TSC2: variants seen among roughly 807,000 people sequenced by gnomAD.
TSC2 encodes the protein TSC complex subunit 2, also known as tuberin.
TSC2 carries 29 observed loss-of-function variants against 202.2 expected under a neutral mutation model. The ratio of observed to expected loss-of-function variants is 0.14; its 90% CI spans 0.11 to 0.20. The LOEUF (loss-of-function observed/expected upper bound fraction) is 0.20. TSC2 is among the 10% of genes least tolerant of loss of function. TSC2 has a pLI of 1.00. For synonymous variants in TSC2, 1,349 were observed against 1,044.0 expected, an observed-to-expected ratio of 1.29 and a Z score of -5.63; for missense variants, 2,429 against 2,420.0, an observed-to-expected ratio of 1.00 and a Z score of -0.08.
chr16:2,083,937 C>T, intron 33 of TSC2, 121 bp downstream of exon 33: 1 of 1,449,108 alleles, frequency 6.9e-7, no homozygotes, highest in Non-Finnish European at 9.1e-7. Flanking sequence ...AGATGTTCTT[C>T]CACATCCCTC....
chr16:2,070,729 C>T (rs1354527257), intron 17 of TSC2, 151 bp downstream of exon 17: 12 of 1,338,644 alleles, frequency 9.0e-6, no homozygotes, highest in Non-Finnish European at 1.2e-5. Context: ...GCCGCAGCCT[C>T]CCCAGTCCTG....
chr16:2,072,686 C>T (rs1039574213), intron 20 of TSC2, 163 bp from the exon 21 acceptor site: 1 of 1,187,936 alleles, frequency 8.4e-7, no homozygotes, highest in Non-Finnish European at 1.2e-6. Flanking sequence ...CAGGCACTCC[C>T]ACCACTCCGA....
chr16:2,054,172 C>A (rs1206767452), intron 4 of TSC2, 124 bp from the exon 5 acceptor site: 27 of 1,464,856 alleles, frequency 1.8e-5, no homozygotes, highest in Admixed American at 1.2e-4. Context: ...TCTTGCAGGG[C>A]GCCTCTGTGG....
intron 10 of TSC2, 66 bp downstream of exon 10, chr16:2,058,939 C>CAT: frequency 6.4e-7 from 1 of 1,570,074 alleles, no homozygotes; most frequent in Non-Finnish European, 8.6e-7. Flanking sequence ...CCTGCCCACC[C>CAT]ATCCCACTGG....
intron 2 of TSC2, among the ~76,000 whole-genome samples, chr16:2,049,917 C>T (rs1416598108): frequency 6.6e-6 from 1 of 151,590 alleles, no homozygotes; most frequent in Non-Finnish European, 1.5e-5. Flanking sequence ...ACATTCTCAA[C>T]TCCTCGGGAT....
chr16:2,081,806 G>C lies in TSC2; in HGVS notation c.3814+8G>C, dbSNP rs1297489453. 1 of 1,611,694 alleles carries C rather than the reference G, an allele frequency of 6.2e-7. No individual in the cohort carries two copies. The highest frequency in any genetic ancestry group is 1.7e-5 in the Admixed American group (1 of 60,006). ...TGCCTCGCTCCAACACAGGTGAGTG[G>C]CATGGCGGGCCTTGGCACGGGCTCT... On this transcript the variant is annotated splice_region_variant and intron_variant, in intron 31 of 41. Coordinates refer to ENST00000219476, the MANE Select transcript of TSC2 (RefSeq NM_000548.5).
At chr16:2,082,855 C>T (rs1260278910) in intron 32 of TSC2, 5 of 437,328 alleles carry the variant, frequency 1.1e-5, no homozygotes, top group African/African-American at 4.0e-5. Flanking sequence ...CCTGGGCCTG[C>T]ACCGAGCGGG....
chr16:2,076,454 G>A (rs1351946091), intron 24 of TSC2, 37 bp from the exon 25 acceptor site: 9 of 1,611,476 alleles, frequency 5.6e-6, no homozygotes, highest in Non-Finnish European at 7.6e-6. Flanking sequence ...AGCCCCCATT[G>A]CCACCCCTCA....
rs2085956949 is a variant in TSC2, at chr16:2,057,120, C to T, written c.790C>T (p.Leu264Phe). ...TGTCTCGCAGCTGATGCGGAACCTC[C>T]TTGGCACCCACCTGGGCCACAGCGC... Reference protein sequence around the residue: ...EPCWKLMRNLLGTHLGHSAIY... With the variant: ...EPCWKLMRNLFGTHLGHSAIY... Residue 264 changes from leucine (L) to phenylalanine (F), a missense_variant, in exon 9 of 42, where the codon CTT (leucine) becomes TTT (phenylalanine). By Grantham distance (22) the Leu-to-Phe change is conservative. Transcript: ENST00000219476. 1 of 1,551,596 alleles carries T rather than the reference C, an allele frequency of 6.4e-7. No homozygotes were observed. The highest frequency in any genetic ancestry group is 1.2e-5 in the South Asian group (1 of 84,078).
At position 2,082,629 on chromosome 16, in the gene TSC2, C is replaced by T. The variant is rs1004685492; in HGVS notation, c.3883+125C>T. On this transcript the variant is annotated intron_variant, in intron 32 of 41. Coordinates refer to ENST00000219476, the MANE Select transcript of TSC2 (RefSeq NM_000548.5). ...CCTCCATTGCCCTGGGGAGCAGGTC[C>T]CGACTCGCATGAGGACGTCTGTGCA... 4 of 1,079,944 alleles carry T rather than the reference C, an allele frequency of 3.7e-6. No individual in the cohort carries two copies. In the Admixed American group the frequency reaches 5.4e-5, roughly 14 times the overall value. The allele number at this position is 1,079,944 out of a possible 1,614,324, so 66.9% of individuals were successfully genotyped here.
At chr16:2,055,099 G>A in intron 5 of TSC2, 2 of 465,944 alleles carry the variant, frequency 4.3e-6, no homozygotes, top group Non-Finnish European at 8.0e-6. Context: ...GGTGATGTCG[G>A]CGTCTCCCAG....
chr16:2,072,106 C>T, intron 19 of TSC2, 135 bp from the exon 20 acceptor site: 1 of 1,542,710 alleles, frequency 6.5e-7, no homozygotes, highest in Non-Finnish European at 8.7e-7. Flanking sequence ...CTGCGCTGGG[C>T]AGGCTCCCCC....
At chr16:2,080,472 A>T in intron 30 of TSC2, 95 bp downstream of exon 30, 1 of 1,434,714 alleles carries the variant, frequency 7.0e-7, no homozygotes, top group Non-Finnish European at 9.5e-7. Context: ...CCCTCTTGGG[A>T]TATTTGGGGG....
chr16:2,083,325 C>G (rs2090364265), intron 32 of TSC2: 1 of 459,454 alleles, frequency 2.2e-6, no homozygotes, highest in Admixed American at 2.5e-5. Context: ...GTCTCCGCAG[C>G]TCTCCTCGGT....
At chr16:2,080,807 C>G (rs1733976119) in intron 30 of TSC2, 1 of 211,160 alleles carries the variant, frequency 4.7e-6, no homozygotes. Context: ...TTGTAAGTCT[C>G]CAGAGGTGAG....
At chr16:2,070,953 C>G (rs573345120) in intron 17 of TSC2, among the ~76,000 whole-genome samples, 22 of 151,540 alleles carry the variant, frequency 1.5e-4, no homozygotes, top group African/African-American at 4.6e-4. Context: ...AGAGCTGAGA[C>G]GGCAGGGCAG....
At chr16:2,080,055 C>G (rs903735609) in intron 29 of TSC2, 110 bp from the exon 30 acceptor site, 2 of 1,451,770 alleles carry the variant, frequency 1.4e-6, no homozygotes, top group African/African-American at 2.8e-5. Flanking sequence ...GCCACCGTCT[C>G]TGGCTGCCTG....
Position 2,088,710 on chromosome 16 carries a change from GCAGT to G in TSC2, c.*104_*107del. The G allele has an allele frequency of 6.9e-7, 1 of 1,447,984 alleles. No homozygotes were observed. The highest frequency in any genetic ancestry group is 2.5e-5 in the East Asian group (1 of 40,204). 89.7% of individuals were successfully genotyped at this position (1,447,984 alleles called of 1,614,324 possible). On this transcript the variant is annotated 3_prime_UTR_variant, in exon 42 of 42. Transcript: ENST00000219476. ...GTGCACAGACATAGAGGCACAGATTGCAGTCAGACAGCTCTTTTATTGACTTTGT... is the reference window on the plus strand; with the variant it reads ...GTGCACAGACATAGAGGCACAGATTGCAGACAGCTCTTTTATTGACTTTGT...
chr16:2,082,318 C>A (rs2090240230), intron 31 of TSC2, 118 bp from the exon 32 acceptor site: 2 of 1,236,926 alleles, frequency 1.6e-6, no homozygotes, highest in African/African-American at 3.0e-5. Flanking sequence ...CGTGCGCGCC[C>A]CTGCCGGCCG....
Sources: gnomAD v4.1 joint callset for allele counts (sites outside exome capture counted in the v4.1 genomes callset) on GRCh38, gnomAD v4.1.1 for gene constraint, MANE v1.5 for transcripts, NCBI Gene and HGNC (gene_info 2026-07-23, HGNC 2026-07-21) for gene names.